Variants in ALDH1L1 observed in about 807,000 individuals in gnomAD.
ALDH1L1 encodes the protein aldehyde dehydrogenase 1 family member L1.
ALDH1L1 carries 68 observed loss-of-function variants against 101.1 expected under a neutral mutation model. The ratio of observed to expected loss-of-function variants is 0.67; its 90% CI spans 0.55 to 0.82. The LOEUF (loss-of-function observed/expected upper bound fraction) is 0.82. Among genes scored for constraint, ALDH1L1 ranks in the 40% least tolerant of loss-of-function variants. ALDH1L1 has a pLI of 0.00. For synonymous variants in ALDH1L1, 486 were observed against 470.8 expected (o/e 1.03, Z -0.42); for missense variants, 1,087 against 1,172.7 (o/e 0.93, Z 1.07).
intron 9 of ALDH1L1, 75 bp downstream of exon 9, chr3:126,146,760 T>C: frequency 6.6e-7 from 1 of 1,507,204 alleles, no homozygotes; most frequent in Non-Finnish European, 9.1e-7. Flanking sequence ...GGTTGTTTCC[T>C]GCTGCTCAGT....
intron 9 of ALDH1L1, among the ~76,000 whole-genome samples, chr3:126,144,319 T>C (rs1214068749): frequency 6.6e-6 from 1 of 152,204 alleles, no homozygotes; most frequent in Non-Finnish European, 1.5e-5. Flanking sequence ...GCCAACTCTA[T>C]TAAAATCCCA....
At chr3:126,157,564 C>T in intron 3 of ALDH1L1, 56 bp from the exon 4 acceptor site, 2 of 1,585,036 alleles carry the variant, frequency 1.3e-6, no homozygotes, top group Non-Finnish European at 1.7e-6. Context: ...CGGAGGATGT[C>T]CTGGGTACAG....
chr3:126,108,536 C>T (rs1337481985), intron 20 of ALDH1L1, among the ~76,000 whole-genome samples: 1 of 152,214 alleles, frequency 6.6e-6, no homozygotes, highest in Admixed American at 6.5e-5. Context: ...CCCCACCTGC[C>T]TCATGGAACT....
intron 12 of ALDH1L1, among the ~76,000 whole-genome samples, chr3:126,134,330 GA>G (rs1287559568): frequency 6.6e-6 from 1 of 152,226 alleles, no homozygotes; most frequent in Non-Finnish European, 1.5e-5. Flanking sequence ...CAAGCCACCA[GA>G]TGGCAGCAGA....
chr3:126,173,580 T>C (rs925101158), intron 1 of ALDH1L1, among the ~76,000 whole-genome samples: 10 of 152,172 alleles, frequency 6.6e-5, no homozygotes, highest in African/African-American at 2.4e-4. Flanking sequence ...GTAATAAATA[T>C]GGTAAATATT....
At chr3:126,185,710 C>G (rs1187495966), upstream of ALDH1L1, among the ~76,000 whole-genome samples, 1 of 152,106 alleles carries the variant, frequency 6.6e-6, no homozygotes, top group Non-Finnish European at 1.5e-5. Flanking sequence ...GGGTTTCACT[C>G]TGTTGTCCAG....
chr3:126,151,550 A>G (rs1013207847), intron 7 of ALDH1L1: 1 of 152,182 alleles, frequency 6.6e-6, no homozygotes, highest in African/African-American at 2.4e-5. Flanking sequence ...ATAGTTTTTC[A>G]ACAAATGCTT....
rs577868045 is a variant in ALDH1L1, at chr3:126,146,471, A to T, written c.1076+364T>A. On this transcript the variant is annotated intron_variant, in intron 9 of 22. Coordinates refer to ENST00000393434, the MANE Select transcript of ALDH1L1 (RefSeq NM_012190.4). ...TGAGCTAAGGATATGGTGTTGGTTTAAATCTCAATGTTTTGGGGTGCTTTG... is the reference window on the plus strand; with the variant it reads ...TGAGCTAAGGATATGGTGTTGGTTTTAATCTCAATGTTTTGGGGTGCTTTG... 8.5e-5 allele frequency among the ~76,000 whole-genome samples: 13 copies of T among 152,300 alleles called. No homozygotes were observed. In the East Asian group the frequency reaches 1.2e-3, roughly 14 times the overall value.
chr3:126,121,572 G>A (rs2080079699), intron 16 of ALDH1L1, among the ~76,000 whole-genome samples: 1 of 152,190 alleles, frequency 6.6e-6, no homozygotes, highest in Non-Finnish European at 1.5e-5. Flanking sequence ...AGCTTGAGGA[G>A]CCCTGCGGAC....
chr3:126,146,858 C>T lies in ALDH1L1; in HGVS notation c.1053G>A (p.Gly351=). The change falls in exon 9 of 23, where the codon GGG becomes GGA. Residue 351 remains glycine (G), a synonymous_variant. Coordinates refer to ENST00000393434, the MANE Select transcript of ALDH1L1 (RefSeq NM_012190.4). ...ACCTCACAACGTCCACAGACGCGGC[C>T]CCTGACTTGAAGAAATCAGTGGAGT... The part of the protein sequence containing the change: ...VEDSTDFFKS[G]AASVDVVRLV... 1 of 1,614,104 alleles carries T rather than the reference C, an allele frequency of 6.2e-7. No homozygotes were observed. Among genetic ancestry groups the T allele is most frequent in the East Asian group, 2.2e-5 (1 of 44,880 alleles).
At chr3:126,148,931 A>G (rs1381890750) in intron 8 of ALDH1L1, among the ~76,000 whole-genome samples, 6 of 152,136 alleles carry the variant, frequency 3.9e-5, no homozygotes, top group Admixed American at 3.9e-4. Context: ...TTTATCTTTG[A>G]GTCTTTCAGA....
intron 12 of ALDH1L1, among the ~76,000 whole-genome samples, chr3:126,133,395 A>G (rs2080354935): frequency 6.6e-6 from 1 of 151,762 alleles, no homozygotes; most frequent in African/African-American, 2.4e-5. Flanking sequence ...CTGCAACCCT[A>G]CCCAACCTGC....
At chr3:126,173,464 T>C (rs2081318706) in intron 1 of ALDH1L1, among the ~76,000 whole-genome samples, 1 of 151,844 alleles carries the variant, frequency 6.6e-6, no homozygotes, top group Admixed American at 6.6e-5. Context: ...AAAACTGATA[T>C]GCTAAGAGAG....
chr3:126,176,185 T>C (rs1403005746), intron 1 of ALDH1L1, among the ~76,000 whole-genome samples: 2 of 152,100 alleles, frequency 1.3e-5, no homozygotes, highest in Non-Finnish European at 2.9e-5. Context: ...CATAAAAATA[T>C]GTATAAATAA....
intron 6 of ALDH1L1, 21 bp downstream of exon 6, chr3:126,154,533 T>G: frequency 6.2e-7 from 1 of 1,612,978 alleles, no homozygotes; most frequent in South Asian, 1.1e-5. Flanking sequence ...GTGGCTGGAT[T>G]CCAGCCATGC....
intron 1 of ALDH1L1, among the ~76,000 whole-genome samples, chr3:126,193,204 T>C (rs2081563697): frequency 6.6e-6 from 1 of 152,190 alleles, no homozygotes; most frequent in African/African-American, 2.4e-5. Flanking sequence ...CTTTAATAAT[T>C]CCCCCTTTTG....
In ALDH1L1 at chr3:126,145,838, AT is replaced by A. The variant is rs991910003; in HGVS notation, c.1076+996del. Reference sequence around the variant, plus strand: ...GTTGTATTATGTGTTTTTTTGCCACATTTTTTTTAAAAGGACATATACTCTT... The same window carrying A: ...GTTGTATTATGTGTTTTTTTGCCACATTTTTTTAAAAGGACATATACTCTT... On this transcript the variant is annotated intron_variant, in intron 9 of 22. Transcript: ENST00000393434. Among the ~76,000 whole-genome samples the A allele has an allele frequency of 4.6e-5, 7 of 152,196 alleles. 1 individual carries two copies. Among genetic ancestry groups the A allele is most frequent in the South Asian group, 4.1e-4 (2 of 4,822 alleles).
intron 20 of ALDH1L1, 30 bp downstream of exon 20, chr3:126,109,913 AC>A: frequency 6.2e-7 from 1 of 1,609,964 alleles, no homozygotes; most frequent in Non-Finnish European, 8.5e-7. Flanking sequence ...GCCTCAATTG[AC>A]CCAAGCGGAC....
At chr3:126,141,880 GAAA>G (rs200857828) in intron 9 of ALDH1L1, among the ~76,000 whole-genome samples, 1 of 148,622 alleles carries the variant, frequency 6.7e-6, no homozygotes, top group Admixed American at 6.7e-5. Context: ...ATAGAGACCA[GAAA>G]AAAAAACAGC....
Sources: gnomAD v4.1 joint callset for allele counts (sites outside exome capture counted in the v4.1 genomes callset) on GRCh38, gnomAD v4.1.1 for gene constraint, MANE v1.5 for transcripts, NCBI Gene and HGNC (gene_info 2026-07-23, HGNC 2026-07-21) for gene names.